The following CENPW variants were observed in gnomAD, a reference collection of about 807,000 sequenced individuals.
The protein encoded by CENPW is cancer-up-regulated gene 2 protein.
A neutral mutation model predicts 11.1 loss-of-function variants in CENPW; 3 were observed. The observed-to-expected ratio is 0.27, with a 90% confidence interval of 0.12 to 0.70. CENPW has a LOEUF of 0.70. Among genes scored for constraint, CENPW ranks in the 30% least tolerant of loss-of-function variants. CENPW has a pLI of 0.77. For synonymous variants in CENPW, 38 were observed against 42.0 expected, an observed-to-expected ratio of 0.91 and a Z score of 0.37; for missense variants, 100 against 105.6, an observed-to-expected ratio of 0.95 and a Z score of 0.23.
chr6:126,428,130 C>A, the CENPW span, among the ~76,000 whole-genome samples: 1 of 152,278 alleles, frequency 6.6e-6, no homozygotes, highest in South Asian at 2.1e-4. Context: ...ATTTGTATAT[C>A]ATTTGCCACA....
At chr6:126,354,551 C>T in the CENPW span, among the ~76,000 whole-genome samples, 6 of 152,128 alleles carry the variant, frequency 3.9e-5, no homozygotes, top group Non-Finnish European at 8.8e-5. Context: ...TACAAAAAAT[C>T]TATAAATGTC....
At chr6:126,361,945 A>G in the CENPW span, among the ~76,000 whole-genome samples, 1 of 152,182 alleles carries the variant, frequency 6.6e-6, no homozygotes, top group Non-Finnish European at 1.5e-5. Context: ...TCGGAGGGCC[A>G]GTGGCTTAGG....
the CENPW span, among the ~76,000 whole-genome samples, chr6:126,410,367 C>T: frequency 6.6e-6 from 1 of 152,088 alleles, no homozygotes; most frequent in Admixed American, 6.5e-5. Flanking sequence ...TGCTGTCAGT[C>T]AAGTAAGGAT....
chr6:126,425,617 A>G, the CENPW span, among the ~76,000 whole-genome samples: 1 of 152,016 alleles, frequency 6.6e-6, no homozygotes, highest in Non-Finnish European at 1.5e-5. Context: ...TGCACCACAC[A>G]ATCCCTTTTT....
chr6:126,419,356 G>C, the CENPW span, among the ~76,000 whole-genome samples: 3 of 152,106 alleles, frequency 2.0e-5, no homozygotes, highest in South Asian at 6.2e-4. Context: ...ATAATTCTTT[G>C]ACAGACAAAA....
the CENPW span, among the ~76,000 whole-genome samples, chr6:126,444,750 T>G: frequency 3.3e-5 from 5 of 151,308 alleles, no homozygotes; most frequent in South Asian, 1.0e-3. Flanking sequence ...TCTACATGAA[T>G]ATTATCCTTT....
chr6:126,378,320 C>G, the CENPW span, among the ~76,000 whole-genome samples: 2 of 151,974 alleles, frequency 1.3e-5, no homozygotes, highest in Admixed American at 6.6e-5. Context: ...GATAATCGAT[C>G]ACTTGTAGAG....
the CENPW span, among the ~76,000 whole-genome samples, chr6:126,405,560 A>C: frequency 6.6e-6 from 1 of 152,146 alleles, no homozygotes; most frequent in South Asian, 2.1e-4. Context: ...ATATTTTGAT[A>C]GAGATTGCAT....
chr6:126,422,391 G>T, the CENPW span, among the ~76,000 whole-genome samples: 1 of 152,038 alleles, frequency 6.6e-6, no homozygotes, highest in African/African-American at 2.4e-5. Flanking sequence ...CTAAGACAAA[G>T]GTGCTGGCAG....
At chr6:126,346,830 A>G (rs1780420792) in intron 2 of CENPW, among the ~76,000 whole-genome samples, 1 of 152,154 alleles carries the variant, frequency 6.6e-6, no homozygotes, top group African/African-American at 2.4e-5. Flanking sequence ...TGTGGACAGA[A>G]AGCCAAACCA....
the CENPW span, among the ~76,000 whole-genome samples, chr6:126,420,377 T>C: frequency 6.6e-6 from 1 of 152,132 alleles, no homozygotes; most frequent in Non-Finnish European, 1.5e-5. Flanking sequence ...GTATCTTCTT[T>C]AGACACATTT....
the CENPW span, among the ~76,000 whole-genome samples, chr6:126,365,041 C>T: frequency 6.6e-6 from 1 of 152,090 alleles, no homozygotes; most frequent in Non-Finnish European, 1.5e-5. Flanking sequence ...CATGTAGACA[C>T]AAGGATTTAA....
At chr6:126,416,948 C>T in the CENPW span, among the ~76,000 whole-genome samples, 5 of 152,296 alleles carry the variant, frequency 3.3e-5, no homozygotes, top group East Asian at 7.7e-4. Context: ...AGACCACCAT[C>T]TTCCAGACCC....
chr6:126,423,704 C>A, the CENPW span, among the ~76,000 whole-genome samples: 38 of 151,834 alleles, frequency 2.5e-4, 1 homozygote, highest in Middle Eastern at 6.8e-3. Context: ...GGGAAGCATT[C>A]ATAGAACACT....
chr6:126,404,007 G>A, the CENPW span, among the ~76,000 whole-genome samples: 1 of 151,934 alleles, frequency 6.6e-6, no homozygotes, highest in Admixed American at 6.6e-5. Flanking sequence ...AAAAATCCTA[G>A]GGCCCTTAAG....
the CENPW span, among the ~76,000 whole-genome samples, chr6:126,411,766 A>G: frequency 1.3e-5 from 2 of 152,246 alleles, no homozygotes; most frequent in Admixed American, 1.3e-4. Flanking sequence ...AGCCAATAGT[A>G]ATCAGTTGTA....
At chr6:126,419,378 C>T in the CENPW span, among the ~76,000 whole-genome samples, 1 of 152,100 alleles carries the variant, frequency 6.6e-6, no homozygotes, top group African/African-American at 2.4e-5. Flanking sequence ...GCAAAATTTA[C>T]ACATGATAAA....
the CENPW span, among the ~76,000 whole-genome samples, chr6:126,404,122 C>G: frequency 1.3e-5 from 2 of 152,082 alleles, no homozygotes; most frequent in African/African-American, 2.4e-5. Flanking sequence ...TTTAAGCCCA[C>G]TGTTGAGACC....
At chr6:126,361,887 A>G in the CENPW span, among the ~76,000 whole-genome samples, 8 of 152,274 alleles carry the variant, frequency 5.3e-5, no homozygotes, top group Admixed American at 1.3e-4. Context: ...TGCCGGCCAC[A>G]ACTTTCAGCT....
Sources: gnomAD v4.1 joint callset for allele counts (sites outside exome capture counted in the v4.1 genomes callset) on GRCh38, gnomAD v4.1.1 for gene constraint, MANE v1.5 for transcripts, NCBI Gene and HGNC (gene_info 2026-07-23, HGNC 2026-07-21) for gene names.